Variants in MXRA8 observed in about 807,000 individuals in gnomAD.
MXRA8 encodes the protein matrix remodeling associated 8, also known as matrix remodeling-associated protein 8.
In MXRA8, 44 loss-of-function variants were observed where a neutral mutation model predicts 51.4. That is an observed-to-expected ratio of 0.86 (90% confidence interval 0.67 to 1.10). MXRA8 has a LOEUF of 1.10. Ranked by LOEUF, MXRA8 falls within the 50% of genes least tolerant of loss-of-function variation. The pLI, the probability that MXRA8 is intolerant of heterozygous loss-of-function variation, is 0.00. For synonymous variants in MXRA8, 369 were observed against 293.5 expected (o/e 1.26, Z -2.63); for missense variants, 765 against 638.9 (o/e 1.20, Z -2.13).
intron 2 of MXRA8, 115 bp downstream of exon 2, chr1:1,356,566 A>C: frequency 1.7e-6 from 1 of 577,444 alleles, no homozygotes; most frequent in Non-Finnish European, 2.5e-6. Flanking sequence ...CCTGATGAGC[A>C]AGGGGGAATC....
upstream of MXRA8, chr1:1,359,554 G>A: frequency 1.0e-6 from 1 of 985,276 alleles, no homozygotes; most frequent in Non-Finnish European, 1.2e-6. Flanking sequence ...CCCCAGCTGG[G>A]TGGGGGGCTC....
At chr1:1,362,514 T>C (rs1644233187), upstream of MXRA8, among the ~76,000 whole-genome samples, 1 of 152,016 alleles carries the variant, frequency 6.6e-6, no homozygotes, top group South Asian at 2.1e-4. Context: ...GCAAGATGGT[T>C]CACGCCTGTA....
At position 1,355,513 on chromosome 1, in the gene MXRA8, G is replaced by A; in HGVS notation, c.313C>T (p.Arg105Cys). 2 of 1,503,030 alleles carry A rather than the reference G, an allele frequency of 1.3e-6. No homozygotes were observed. The highest frequency in any genetic ancestry group is 8.8e-7 in the Non-Finnish European group (1 of 1,137,436). 93.1% of individuals were successfully genotyped at this position (1,503,030 alleles called of 1,614,324 possible). A position where few individuals can be genotyped will look rare whatever the true frequency, so the allele number is the denominator to read the frequency against. The change falls in exon 3 of 10, where the codon CGC becomes TGC. Residue 105 changes from arginine (R) to cysteine (C), a missense_variant. Transcript: ENST00000309212. Reference sequence around the variant, plus strand: ...GAGGCCGAGAGCTCCAGGCGGCCGCGGTCCCGCGCCTCGTACACGCGCTGC... The same window carrying A: ...GAGGCCGAGAGCTCCAGGCGGCCGCAGTCCCGCGCCTCGTACACGCGCTGC... ...GEQRVYEARD[R>C]GRLELSASAF...
Position 1,353,879 on chromosome 1 carries a change from G to T in MXRA8, c.1272C>A (p.Pro424=). The T allele has an allele frequency of 6.2e-7, 1 of 1,606,760 alleles. No homozygotes were observed. The highest frequency in any genetic ancestry group is 1.1e-5 in the South Asian group (1 of 90,086). The change falls in exon 9 of 10, where the codon CCC becomes CCA. Residue 424 remains proline (P), a synonymous_variant. Coordinates refer to ENST00000309212, the MANE Select transcript of MXRA8 (RefSeq NM_032348.4). ...CTAGGTCGATGTACTTGGCAGGCAGGGGGCTGTGGGCCAGCTCCGCCCTCT... is the reference window on the plus strand; with the variant it reads ...CTAGGTCGATGTACTTGGCAGGCAGTGGGCTGTGGGCCAGCTCCGCCCTCT... ...LKERAELAHS[P]LPAKYIDLDK...
upstream of MXRA8, chr1:1,358,606 C>T (rs979025303): frequency 2.3e-5 from 34 of 1,494,710 alleles, no homozygotes; most frequent in East Asian, 5.1e-5. Flanking sequence ...GGTGACATCA[C>T]GGAGGCCTGG....
At chr1:1,362,718 T>G (rs1569821001), upstream of MXRA8, among the ~76,000 whole-genome samples, 1 of 144,474 alleles carries the variant, frequency 6.9e-6, no homozygotes, top group South Asian at 2.2e-4. Context: ...GAGGTGGAGG[T>G]TGCAGTGAGC....
chr1:1,361,086 A>G (rs563695377), upstream of MXRA8, among the ~76,000 whole-genome samples: 3 of 151,724 alleles, frequency 2.0e-5, no homozygotes, highest in South Asian at 4.2e-4. Flanking sequence ...AGACATGCGC[A>G]CACACGACAC....
intron 5 of MXRA8, 31 bp from the exon 6 acceptor site, chr1:1,354,540 A>G: frequency 6.2e-7 from 1 of 1,605,538 alleles, no homozygotes; most frequent in Non-Finnish European, 8.5e-7. Flanking sequence ...GGGCGGCGTC[A>G]GGTACCAGCA....
rs144911134 is a variant in MXRA8 at position 1,358,488 on chromosome 1, C to T, written c.17G>A (p.Arg6Gln). 98 of 1,612,970 alleles carry T rather than the reference C, an allele frequency of 6.1e-5. No homozygotes were observed. Among genetic ancestry groups the T allele is most frequent in the Admixed American group, 3.3e-4 (20 of 59,924 alleles). ...AAGCACAAGTTTCCAAAGCAGGATTCGGGATGGCAGCGCCATGGCCCCCGC... is the reference window on the plus strand; with the variant it reads ...AAGCACAAGTTTCCAAAGCAGGATTTGGGATGGCAGCGCCATGGCCCCCGC... Reference protein sequence around the residue: MALPSRILLWKLVLLQ... With the variant: MALPSQILLWKLVLLQ... Residue 6 changes from arginine (R) to glutamine (Q), a missense_variant, in exon 1 of 10, where the codon CGA (arginine) becomes CAA (glutamine). Physicochemically the swap from Arg to Gln is conservative, Grantham distance 43 (BLOSUM62 1). Coordinates refer to ENST00000309212, the MANE Select transcript of MXRA8 (RefSeq NM_032348.4).
At chr1:1,361,175 C>T (rs1486481483), upstream of MXRA8, 1 of 702,798 alleles carries the variant, frequency 1.4e-6, no homozygotes, top group East Asian at 2.7e-5. Context: ...CACACAGACA[C>T]AGGTCCACAC....
At chr1:1,356,507 G>A (rs1644136170) in intron 2 of MXRA8, among the ~76,000 whole-genome samples, 174 bp downstream of exon 2, 1 of 146,380 alleles carries the variant, frequency 6.8e-6, no homozygotes, top group Non-Finnish European at 1.5e-5. Flanking sequence ...AGGGGAAGAG[G>A]AGTCATTGGG....
upstream of MXRA8, chr1:1,358,908 A>C (rs1360105989): frequency 2.4e-5 from 24 of 1,002,076 alleles, no homozygotes; most frequent in Non-Finnish European, 2.9e-5. Flanking sequence ...GCCTCCCCCC[A>C]CGTGAGCCAC....
chr1:1,358,422 A>AC (rs762645794), intron 1 of MXRA8, 34 bp downstream of exon 1: 20 of 1,387,526 alleles, frequency 1.4e-5, no homozygotes, highest in Admixed American at 9.2e-5. Context: ...CCCACGTGCC[A>AC]CCCCCCACCC....
upstream of MXRA8, chr1:1,361,199 C>G (rs1253762291): frequency 1.4e-6 from 1 of 703,222 alleles, no homozygotes; most frequent in Admixed American, 2.0e-5. Context: ...GAAACAGAGA[C>G]ACACACAGAC....
chr1:1,355,281 G>T lies in MXRA8; in HGVS notation c.441C>A (p.Tyr147Ter), dbSNP rs769576911. 6.3e-7 allele frequency: 1 copy of T among 1,577,208 alleles called. No individual in the cohort carries two copies. The change falls in exon 4 of 10, where the codon TAC (tyrosine) becomes TAA (stop). Residue 147 changes from tyrosine (Y) to a stop codon, truncating the protein, a stop_gained. Transcript: ENST00000309212. LOFTEE classifies it high-confidence loss of function. ...CCTCCAGGCGGACGGCCAGGCTCTCGTAGAGGTGGCAGTAGTGATGGTGCA... is the reference window on the plus strand; with the variant it reads ...CCTCCAGGCGGACGGCCAGGCTCTCTTAGAGGTGGCAGTAGTGATGGTGCA... ...CNLHHHYCHL[Y>*]ESLAVRLEVT...
Position 1,355,616 on chromosome 1 carries a change from C to G in MXRA8, c.210G>C (p.Gln70His). The change falls in exon 3 of 10, where the codon CAG becomes CAC. Residue 70 changes from glutamine (Q) to histidine (H), a missense_variant. Transcript: ENST00000309212. ...CGCGCAGGTCCCAGTGGAGCACGCG[C>G]TGGCGGTCGTGCAGCCGGTCCTGGG... ...VWTQDRLHDR[Q>H]RVLHWDLRGP... 2 of 1,468,008 alleles carry G rather than the reference C, an allele frequency of 1.4e-6. No homozygotes were observed. Among genetic ancestry groups the G allele is most frequent in the Non-Finnish European group, 1.8e-6 (2 of 1,116,140 alleles). 90.9% of individuals were successfully genotyped at this position (1,468,008 alleles called of 1,614,324 possible). A position where few individuals can be genotyped will look rare whatever the true frequency, so the allele number is the denominator to read the frequency against.
intron 4 of MXRA8, 43 bp downstream of exon 4, chr1:1,355,201 G>C: frequency 6.9e-7 from 1 of 1,458,370 alleles, no homozygotes; most frequent in South Asian, 1.4e-5. Flanking sequence ...CGGCGGTCGA[G>C]GGTCGAGGGG....
Position 1,355,594 on chromosome 1 carries a change from G to A in MXRA8, c.232C>T (p.Arg78Cys). ...CGCGCGGGGCCACCCCCGGGGCCGCGCAGGTCCCAGTGGAGCACGCGCTGG... is the reference window on the plus strand; with the variant it reads ...CGCGCGGGGCCACCCCCGGGGCCGCACAGGTCCCAGTGGAGCACGCGCTGG... ...DRQRVLHWDL[R>C]GPGGGPARRL... The change falls in exon 3 of 10, where the codon CGC becomes TGC. Residue 78 changes from arginine to cysteine, a missense_variant. By Grantham distance (180) the Arg-to-Cys change is radical. Transcript: ENST00000309212. The A allele has an allele frequency of 6.8e-7, 1 of 1,477,670 alleles. No homozygotes were observed. Among genetic ancestry groups the A allele is most frequent in the Non-Finnish European group, 8.9e-7 (1 of 1,121,626 alleles). The allele number at this position is 1,477,670 out of a possible 1,614,324, so 91.5% of individuals were successfully genotyped here.
upstream of MXRA8, chr1:1,359,328 C>T: frequency 1.0e-6 from 1 of 985,376 alleles, no homozygotes. Flanking sequence ...GAGTGGGACC[C>T]CTGCCATGGA....
Sources: allele counts gnomAD v4.1 joint callset (sites outside exome capture counted in the v4.1 genomes callset), GRCh38; gene constraint gnomAD v4.1.1; transcripts MANE v1.5; gene names NCBI Gene and HGNC (gene_info 2026-07-23, HGNC 2026-07-21).